ZC2HC1A: variants seen among roughly 807,000 people sequenced by gnomAD.
ZC2HC1A encodes zinc finger C2HC domain-containing protein 1A.
A neutral mutation model predicts 40.7 loss-of-function variants in ZC2HC1A; 28 were observed. The ratio of observed to expected loss-of-function variants is 0.69; its 90% CI spans 0.51 to 0.94. ZC2HC1A has a LOEUF of 0.94. ZC2HC1A is among the 40% of genes least tolerant of loss of function. ZC2HC1A has a pLI of 0.00. For synonymous variants in ZC2HC1A, 129 were observed against 129.2 expected, an observed-to-expected ratio of 1.00 and a Z score of 0.01; for missense variants, 389 against 386.3, an observed-to-expected ratio of 1.01 and a Z score of -0.06.
intron 5 of ZC2HC1A, among the ~76,000 whole-genome samples, chr8:78,693,404 A>AT (rs1309459318): frequency 1.3e-5 from 2 of 152,174 alleles, no homozygotes; most frequent in African/African-American, 2.4e-5. Flanking sequence ...TTGTTTCCTG[A>AT]TTTTTTAATT....
intron 7 of ZC2HC1A, among the ~76,000 whole-genome samples, chr8:78,703,188 C>T (rs573768052): frequency 1.4e-4 from 21 of 152,188 alleles, no homozygotes; most frequent in Non-Finnish European, 2.1e-4. Flanking sequence ...TGAGCCACCG[C>T]GCCTGGCCCA....
chr8:78,699,585 C>T (rs1352593473), intron 7 of ZC2HC1A, among the ~76,000 whole-genome samples: 3 of 152,014 alleles, frequency 2.0e-5, no homozygotes, highest in Admixed American at 2.0e-4. Flanking sequence ...GCCTAGTACC[C>T]ATCAGTTATT....
At chr8:78,683,234 TC>T (rs1165817543) in intron 3 of ZC2HC1A, among the ~76,000 whole-genome samples, 1 of 152,224 alleles carries the variant, frequency 6.6e-6, no homozygotes, top group Non-Finnish European at 1.5e-5. Context: ...CAGTGGGGCC[TC>T]TGTGTGTGGA....
chr8:78,669,608 A>G (rs2369438), intron 1 of ZC2HC1A, among the ~76,000 whole-genome samples: 147,092 of 152,248 alleles, frequency 0.97, 71,088 homozygotes, highest in East Asian at 0.99. Flanking sequence ...TTCAAAAGAG[A>G]GCTTCAGATT....
intron 7 of ZC2HC1A, among the ~76,000 whole-genome samples, chr8:78,711,532 G>A (rs538561006): frequency 6.6e-6 from 1 of 152,116 alleles, no homozygotes; most frequent in South Asian, 2.1e-4. Flanking sequence ...AAGTCAAATG[G>A]AGTACATGTT....
chr8:78,704,805 T>G (rs913527682), intron 7 of ZC2HC1A, among the ~76,000 whole-genome samples: 1 of 152,194 alleles, frequency 6.6e-6, no homozygotes. Context: ...CTTTTCATCC[T>G]TTTTTTCTCT....
intron 7 of ZC2HC1A, among the ~76,000 whole-genome samples, chr8:78,713,608 G>C (rs1255464827): frequency 6.6e-6 from 1 of 152,160 alleles, no homozygotes; most frequent in South Asian, 2.1e-4. Context: ...CTCATGAATG[G>C]ACTTGGAGTG....
intron 3 of ZC2HC1A, among the ~76,000 whole-genome samples, chr8:78,682,348 T>A (rs1000192960): frequency 1.4e-5 from 2 of 147,232 alleles, no homozygotes; most frequent in Non-Finnish European, 2.9e-5. Context: ...GGAGACTGGG[T>A]AATTTATAAA....
chr8:78,706,869 T>C (rs1810789347), intron 7 of ZC2HC1A, among the ~76,000 whole-genome samples: 1 of 152,260 alleles, frequency 6.6e-6, no homozygotes, highest in African/African-American at 2.4e-5. Flanking sequence ...GTAATTATCA[T>C]TATAGAAAAG....
chr8:78,697,005 G>A (rs1453787686), intron 5 of ZC2HC1A, among the ~76,000 whole-genome samples: 1 of 152,114 alleles, frequency 6.6e-6, no homozygotes, highest in Non-Finnish European at 1.5e-5. Flanking sequence ...GTTGCTGTTA[G>A]TTTGTTTTAG....
At chr8:78,670,311 C>T (rs1809408101) in intron 1 of ZC2HC1A, among the ~76,000 whole-genome samples, 1 of 152,106 alleles carries the variant, frequency 6.6e-6, no homozygotes, top group Non-Finnish European at 1.5e-5. Context: ...TAATGTCTCC[C>T]TGCAGTTCAG....
At chr8:78,686,630 G>A (rs1049060344) in intron 4 of ZC2HC1A, 22 bp downstream of exon 4, 2 of 1,448,788 alleles carry the variant, frequency 1.4e-6, no homozygotes, top group Middle Eastern at 1.9e-4. Context: ...ATTGTTGACA[G>A]AAATGTTCAT....
chr8:78,715,319 A>G lies in ZC2HC1A; in HGVS notation c.803A>G (p.Tyr268Cys). The G allele has an allele frequency of 1.2e-6, 2 of 1,612,290 alleles. No homozygotes were observed. The highest frequency in any genetic ancestry group is 3.3e-4 in the Middle Eastern group (2 of 6,052). ...AAAAGAAAAACATATACTGAGAGCT[A>G]CATAGCCAGGTATGTTTAGCTCTGC... ...TNKRKTYTES[Y>C]IARPDGDCAS... The change falls in exon 8 of 9, where the codon TAC becomes TGC. Residue 268 changes from tyrosine (Y) to cysteine (C), a missense_variant. Transcript: ENST00000263849.
chr8:78,708,120 A>G (rs187171977), intron 7 of ZC2HC1A, among the ~76,000 whole-genome samples: 3,106 of 152,274 alleles, frequency 0.02, 105 homozygotes, highest in African/African-American at 0.064. Context: ...TGTTATTTCG[A>G]TTTATACAGA....
At position 78,675,911 on chromosome 8, in the gene ZC2HC1A, G is replaced by T. The variant is rs370123596; in HGVS notation, c.93+48G>T. 3 of 1,509,296 alleles carry T rather than the reference G, an allele frequency of 2.0e-6. No homozygotes were observed. In the African/African-American group the frequency reaches 4.2e-5, roughly 21 times the overall value. 93.5% of individuals were successfully genotyped at this position (1,509,296 alleles called of 1,614,324 possible). A position where few individuals can be genotyped will look rare whatever the true frequency, so the allele number is the denominator to read the frequency against. On this transcript the variant is annotated intron_variant, in intron 2 of 8. Transcript: ENST00000263849. ...TTTATGGTTTTACAGATCTGTAATTGTTCAATAATTCTGGTCAATTCTCAT... is the reference window on the plus strand; with the variant it reads ...TTTATGGTTTTACAGATCTGTAATTTTTCAATAATTCTGGTCAATTCTCAT...
In ZC2HC1A at chr8:78,676,663, G is replaced by A. The variant is rs190002098; in HGVS notation, c.93+800G>A. On this transcript the variant is annotated intron_variant, in intron 2 of 8. Transcript: ENST00000263849. ...GTTTGTTTCTTTAAAGCAAAGTGAGGAATTAATGATCCAAAGTGTCCTTCT... is the reference window on the plus strand; with the variant it reads ...GTTTGTTTCTTTAAAGCAAAGTGAGAAATTAATGATCCAAAGTGTCCTTCT... Among the ~76,000 whole-genome samples, 173 of 152,024 alleles carry A rather than the reference G, an allele frequency of 1.1e-3. 1 individual carries two copies. The highest frequency in any genetic ancestry group is 0.011 in the Admixed American group (171 of 15,268).
chr8:78,714,033 A>G (rs563235836), intron 7 of ZC2HC1A, among the ~76,000 whole-genome samples: 4 of 152,308 alleles, frequency 2.6e-5, no homozygotes, highest in African/African-American at 7.2e-5. Context: ...AAGTAGAGTA[A>G]GAAAAATTTC....
intron 3 of ZC2HC1A, among the ~76,000 whole-genome samples, chr8:78,680,273 C>T (rs892937344): frequency 2.8e-4 from 35 of 124,742 alleles, no homozygotes; most frequent in Non-Finnish European, 3.3e-4. Context: ...GGCGACAGAG[C>T]GAGACTCCGT....
At chr8:78,683,496 T>G (rs1239899518) in intron 3 of ZC2HC1A, among the ~76,000 whole-genome samples, 2 of 152,166 alleles carry the variant, frequency 1.3e-5, no homozygotes, top group African/African-American at 2.4e-5. Context: ...CTTTTAGCCA[T>G]GCCTGGAGCA....
Sources: allele counts gnomAD v4.1 joint callset (sites outside exome capture counted in the v4.1 genomes callset), GRCh38; gene constraint gnomAD v4.1.1; transcripts MANE v1.5; gene names NCBI Gene and HGNC (gene_info 2026-07-23, HGNC 2026-07-21).